IGFBP7: variants seen among roughly 807,000 people sequenced by gnomAD.
The protein encoded by IGFBP7 is insulin like growth factor binding protein 7.
IGFBP7 carries 31 observed loss-of-function variants against 29.4 expected under a neutral mutation model. The observed-to-expected ratio is 1.05, with a 90% CI of 0.79 to 1.42. The LOEUF is 1.42. Ranked by LOEUF, IGFBP7 falls within the 40% of genes most tolerant of loss-of-function variation. IGFBP7 has a pLI of 0.00. For missense variants in IGFBP7, 393 were observed against 395.5 expected (o/e 0.99, Z 0.05); for synonymous variants, 172 against 174.9 (o/e 0.98, Z 0.13).
rs1578601630 is a variant in IGFBP7, at chr4:57,032,528, C to T, written c.727G>A (p.Ala243Thr). The T allele has an allele frequency of 6.2e-7, 1 of 1,613,946 alleles. No individual in the cohort carries two copies. Among genetic ancestry groups the T allele is most frequent in the Non-Finnish European group, 8.5e-7 (1 of 1,179,854 alleles). ...GATGCATGGCACTCATATTCTCCAG[C>T]ATCTTCCTTACTTAGAGGAGATACC... ...VLVSPLSKED[A>T]GEYECHASNS... is the part of the protein sequence containing the mutation. Residue 243 changes from alanine to threonine, a missense_variant, in exon 4 of 5, where the codon GCT becomes ACT. By Grantham distance (58) the Ala-to-Thr change is moderately conservative (BLOSUM62 0). Coordinates refer to ENST00000295666, the MANE Select transcript of IGFBP7 (RefSeq NM_001553.3).
chr4:57,098,259 C>A (rs1469483821), intron 1 of IGFBP7, among the ~76,000 whole-genome samples: 1 of 152,158 alleles, frequency 6.6e-6, no homozygotes, highest in Non-Finnish European at 1.5e-5. Flanking sequence ...ACTGGCCAAG[C>A]TCTGTAACTA....
intron 1 of IGFBP7, among the ~76,000 whole-genome samples, chr4:57,083,994 A>G (rs933820229): frequency 6.6e-6 from 1 of 152,212 alleles, no homozygotes; most frequent in African/African-American, 2.4e-5. Flanking sequence ...TTGTGTGAAA[A>G]GCATTACATG....
chr4:57,054,639 CAA>C (rs75161514), intron 1 of IGFBP7, among the ~76,000 whole-genome samples: 397 of 27,802 alleles, frequency 0.014, 1 homozygote, highest in African/African-American at 0.036. Flanking sequence ...CTCTCTCTCA[CAA>C]AAAAAAAAAA....
At chr4:57,067,178 G>A (rs1172772626) in intron 1 of IGFBP7, among the ~76,000 whole-genome samples, 1 of 152,076 alleles carries the variant, frequency 6.6e-6, no homozygotes, top group Non-Finnish European at 1.5e-5. Context: ...TTCTTAACAT[G>A]TTCTTTGTAC....
intron 1 of IGFBP7, among the ~76,000 whole-genome samples, chr4:57,069,148 G>A (rs1724995276): frequency 1.3e-5 from 2 of 152,180 alleles, no homozygotes; most frequent in Admixed American, 6.5e-5. Context: ...GAGACCTCAT[G>A]TACTTTCCTG....
chr4:57,061,371 G>A (rs113798986), intron 1 of IGFBP7, among the ~76,000 whole-genome samples: 26 of 152,086 alleles, frequency 1.7e-4, no homozygotes, highest in Admixed American at 1.4e-3. Context: ...AATTAGGCAC[G>A]GTAAGAGATT....
intron 1 of IGFBP7, among the ~76,000 whole-genome samples, chr4:57,047,699 G>A (rs555741768): frequency 2.6e-5 from 4 of 152,264 alleles, no homozygotes; most frequent in East Asian, 3.9e-4. Context: ...GAAGTCTCCT[G>A]CAGAATCTCC....
Position 57,031,251 on chromosome 4 carries a change from C to T in IGFBP7, c.*66G>A. ...ATTGGATTAAAAGAAACTTATTAGG[C>T]AAGAACAGGTAATGTAGTTATCCAT... On this transcript the variant is annotated 3_prime_UTR_variant, in exon 5 of 5. Transcript: ENST00000295666. The T allele has an allele frequency of 1.5e-6, 2 of 1,303,068 alleles. No homozygotes were observed. The highest frequency in any genetic ancestry group is 4.6e-5 in the East Asian group (2 of 43,318). 80.7% of individuals were successfully genotyped at this position (1,303,068 alleles called of 1,614,324 possible).
At chr4:57,060,007 C>T (rs887730941) in intron 1 of IGFBP7, among the ~76,000 whole-genome samples, 2 of 152,126 alleles carry the variant, frequency 1.3e-5, no homozygotes, top group African/African-American at 4.8e-5. Flanking sequence ...TGTCCCAGTC[C>T]ATCATGAACT....
At chr4:57,032,697 G>A (rs1723967386) in intron 3 of IGFBP7, 145 bp from the exon 4 acceptor site, 1 of 703,676 alleles carries the variant, frequency 1.4e-6, no homozygotes, top group East Asian at 2.6e-5. Context: ...CAAGTCCTGT[G>A]ATAGGAGACT....
chr4:57,083,719 T>C (rs1321449736), intron 1 of IGFBP7, among the ~76,000 whole-genome samples: 1 of 152,246 alleles, frequency 6.6e-6, no homozygotes, highest in African/African-American at 2.4e-5. Flanking sequence ...ATAAAAACAA[T>C]TATCTCATGA....
chr4:57,100,961 A>G (rs1716615564), intron 1 of IGFBP7, among the ~76,000 whole-genome samples: 1 of 152,252 alleles, frequency 6.6e-6, no homozygotes, highest in Non-Finnish European at 1.5e-5. Context: ...TATGAGTAGC[A>G]TATGAGGAAA....
intron 4 of IGFBP7, chr4:57,031,898 G>A (rs1723941415): frequency 6.0e-6 from 1 of 166,378 alleles, no homozygotes; most frequent in African/African-American, 2.4e-5. Context: ...TCAGACATCA[G>A]TTTCATAGAA....
intron 1 of IGFBP7, among the ~76,000 whole-genome samples, chr4:57,085,027 G>A (rs1382943477): frequency 2.0e-5 from 3 of 151,886 alleles, no homozygotes; most frequent in Non-Finnish European, 4.4e-5. Flanking sequence ...GGGATCAAGC[G>A]ATCCACCCAC....
Position 57,100,365 on chromosome 4 carries a change from C to T in IGFBP7, c.475+9512G>A, listed in dbSNP as rs148892110. Among the ~76,000 whole-genome samples the T allele has an allele frequency of 9.2e-5, 14 of 152,324 alleles. No homozygotes were observed. The East Asian group carries it at 2.5e-3, about 27-fold the overall frequency. On this transcript the variant is annotated intron_variant, in intron 1 of 4. Coordinates refer to ENST00000295666, the MANE Select transcript of IGFBP7 (RefSeq NM_001553.3). ...AAAGTACTGGGATTACAAACAAGAGCCACTGTGCCTGACCAGGCTCTAAGA... is the reference window on the plus strand; with the variant it reads ...AAAGTACTGGGATTACAAACAAGAGTCACTGTGCCTGACCAGGCTCTAAGA...
At chr4:57,101,436 C>T (rs1725893586) in intron 1 of IGFBP7, among the ~76,000 whole-genome samples, 2 of 152,184 alleles carry the variant, frequency 1.3e-5, no homozygotes, top group African/African-American at 4.8e-5. Flanking sequence ...TCCCTGGATT[C>T]CCGGGACTGC....
At position 57,083,064 on chromosome 4, in the gene IGFBP7, C is replaced by T. The variant is rs563813791; in HGVS notation, c.475+26813G>A. On this transcript the variant is annotated intron_variant, in intron 1 of 4. Transcript: ENST00000295666. ...ATGGGCATAATTCTTTAAGAATATTCCAGATGTTCCAAATTCTTCTATATA... is the reference window on the plus strand; with the variant it reads ...ATGGGCATAATTCTTTAAGAATATTTCAGATGTTCCAAATTCTTCTATATA... Among the ~76,000 whole-genome samples, 14 of 152,264 alleles carry T rather than the reference C, an allele frequency of 9.2e-5. 1 individual carries two copies. The East Asian group carries it at 2.7e-3, about 29-fold the overall frequency.
Position 57,110,028 on chromosome 4 carries a change from G to A in IGFBP7, c.324C>T (p.Ser108=), listed in dbSNP as rs368818343. Residue 108 remains serine, a synonymous_variant, in exon 1 of 5, where the codon AGC becomes AGT. Transcript: ENST00000295666. ...AGAAAGGPGV[S]GVCVCKSRYP... Reference sequence around the variant, plus strand: ...AGCGGCTCTTGCACACGCACACGCCGCTTACACCCGGACCGCCGGCTGCTG... The same window carrying A: ...AGCGGCTCTTGCACACGCACACGCCACTTACACCCGGACCGCCGGCTGCTG... 5.8e-6 allele frequency: 9 copies of A among 1,555,948 alleles called. No individual in the cohort carries two copies. In the East Asian group the frequency reaches 1.4e-4, roughly 25 times the overall value.
At chr4:57,093,227 G>A (rs971212133) in intron 1 of IGFBP7, among the ~76,000 whole-genome samples, 2 of 152,188 alleles carry the variant, frequency 1.3e-5, no homozygotes, top group Non-Finnish European at 2.9e-5. Context: ...CAGGCTGGGC[G>A]CAGTGGCTCA....
Sources: allele counts gnomAD v4.1 joint callset (sites outside exome capture counted in the v4.1 genomes callset), GRCh38; gene constraint gnomAD v4.1.1; transcripts MANE v1.5; gene names NCBI Gene and HGNC (gene_info 2026-07-23, HGNC 2026-07-21).